NDST4: variants seen among roughly 807,000 people sequenced by gnomAD.
The protein encoded by NDST4 is N-heparan sulfate sulfotransferase 4.
In NDST4, 63 loss-of-function variants were observed where a neutral mutation model predicts 100.8. The observed-to-expected ratio is 0.62, with a 90% CI of 0.51 to 0.77. The LOEUF is 0.77. Ranked by LOEUF, NDST4 falls within the 30% of genes least tolerant of loss-of-function variation. The pLI, the probability that NDST4 is intolerant of heterozygous loss-of-function variation, is 0.00. For missense variants in NDST4, 943 were observed against 1,018.4 expected (o/e 0.93, Z 1.01); for synonymous variants, 377 against 361.8 (o/e 1.04, Z -0.48).
intron 2 of NDST4, among the ~76,000 whole-genome samples, chr4:114,986,830 A>ATATATATATATATATTTATTTATT (rs1553959396): frequency 1.8e-4 from 17 of 91,962 alleles, no homozygotes; most frequent in African/African-American, 6.9e-4. Context: ...ATATATATAT[A>ATATATATATATATATTTATTTATT]TATTTTAATA....
intron 1 of NDST4, among the ~76,000 whole-genome samples, chr4:115,079,776 T>C (rs1245967197): frequency 6.6e-6 from 1 of 152,170 alleles, no homozygotes; most frequent in Non-Finnish European, 1.5e-5. Flanking sequence ...ACTGAAAACT[T>C]TTTAGATTAC....
rs34003720 is a variant in NDST4, at chr4:115,068,815, C to CA, written c.978+7243dup. ...TGGGCATCAGAGCGAGGCTCCATCTCAAAAAAAAAAAAAAAAAGAAAAGAA... is the reference window on the plus strand; with the variant it reads ...TGGGCATCAGAGCGAGGCTCCATCTCAAAAAAAAAAAAAAAAAAGAAAAGAA... On this transcript the variant is annotated intron_variant, in intron 2 of 13. Transcript: ENST00000264363. 8.0e-3 allele frequency among the ~76,000 whole-genome samples: 619 copies of CA among 77,252 alleles called. 4 individuals carry two copies. Among genetic ancestry groups the CA allele is most frequent in the African/African-American group, 0.018 (426 of 24,118 alleles). The allele number at this position is 77,252 out of a possible 152,430, so 50.7% of individuals were successfully genotyped here.
chr4:115,053,871 C>T (rs991455710), intron 2 of NDST4, among the ~76,000 whole-genome samples: 3 of 152,052 alleles, frequency 2.0e-5, no homozygotes, highest in Non-Finnish European at 2.9e-5. Flanking sequence ...ACTACCTCTT[C>T]TTACACTGAG....
intron 6 of NDST4, among the ~76,000 whole-genome samples, chr4:114,884,276 C>T (rs544100303): frequency 6.6e-6 from 1 of 152,174 alleles, no homozygotes; most frequent in Admixed American, 6.6e-5. Flanking sequence ...CACATATCAA[C>T]TCCAAGCTGC....
At chr4:114,966,032 AAG>A (rs1233670179) in intron 4 of NDST4, among the ~76,000 whole-genome samples, 2 of 152,046 alleles carry the variant, frequency 1.3e-5, no homozygotes, top group East Asian at 1.9e-4. Flanking sequence ...TTGAAGGAAA[AAG>A]AACCAAAAAG....
At chr4:115,069,963 AC>A (rs1397449743) in intron 2 of NDST4, among the ~76,000 whole-genome samples, 1 of 152,170 alleles carries the variant, frequency 6.6e-6, no homozygotes, top group African/African-American at 2.4e-5. Flanking sequence ...ATGCTTATAT[AC>A]TATTGGTTGG....
chr4:115,065,901 C>T (rs2126285396), intron 2 of NDST4, among the ~76,000 whole-genome samples: 1 of 152,266 alleles, frequency 6.6e-6, no homozygotes, highest in East Asian at 1.9e-4. Context: ...CTGATATTTT[C>T]AGCCAAGTCT....
intron 1 of NDST4, among the ~76,000 whole-genome samples, chr4:115,099,884 T>C (rs1560600236): frequency 6.6e-6 from 1 of 152,150 alleles, no homozygotes; most frequent in African/African-American, 2.4e-5. Context: ...GCTTTATTTA[T>C]AGATGCCAAG....
intron 7 of NDST4, among the ~76,000 whole-genome samples, chr4:114,857,822 C>T (rs780629290): frequency 6.6e-6 from 1 of 152,120 alleles, no homozygotes; most frequent in Admixed American, 6.5e-5. Context: ...CTTGAAGGAA[C>T]AAGCTAGGAA....
intron 2 of NDST4, among the ~76,000 whole-genome samples, chr4:115,072,627 A>G (rs538038645): frequency 1.3e-5 from 2 of 152,004 alleles, no homozygotes; most frequent in Non-Finnish European, 2.9e-5. Flanking sequence ...GGAAAACTAG[A>G]TATCTATAGG....
At chr4:114,883,211 T>C (rs1724408077) in intron 6 of NDST4, among the ~76,000 whole-genome samples, 1 of 152,026 alleles carries the variant, frequency 6.6e-6, no homozygotes, top group African/African-American at 2.4e-5. Flanking sequence ...TTTTAATTAA[T>C]CTAAAAGATA....
chr4:115,014,180 A>G (rs1028366629), intron 2 of NDST4, among the ~76,000 whole-genome samples: 4 of 152,088 alleles, frequency 2.6e-5, no homozygotes, highest in African/African-American at 9.7e-5. Flanking sequence ...TTTGGCTGGT[A>G]AGGCCAGCAA....
chr4:114,844,808 G>C (rs1723507884), intron 10 of NDST4, among the ~76,000 whole-genome samples: 1 of 152,130 alleles, frequency 6.6e-6, no homozygotes, highest in Admixed American at 6.5e-5. Context: ...TTTGTAGATA[G>C]TGCTGCAATG....
At chr4:114,914,598 G>A (rs888417239) in intron 6 of NDST4, among the ~76,000 whole-genome samples, 6 of 152,180 alleles carry the variant, frequency 3.9e-5, no homozygotes, top group Non-Finnish European at 1.5e-5. Flanking sequence ...TAGGGACTGT[G>A]TGTAGACTAT....
chr4:115,048,475 A>G (rs1481820681), intron 2 of NDST4, among the ~76,000 whole-genome samples: 2 of 152,190 alleles, frequency 1.3e-5, no homozygotes, highest in South Asian at 2.1e-4. Flanking sequence ...ATTCCTTTGG[A>G]AAGTTTGCAG....
chr4:115,096,632 A>G (rs1255607571), intron 1 of NDST4, among the ~76,000 whole-genome samples: 1 of 152,034 alleles, frequency 6.6e-6, no homozygotes, highest in Non-Finnish European at 1.5e-5. Flanking sequence ...ATGCATTATC[A>G]CTTACTCACT....
chr4:114,975,989 A>T (rs925740054), intron 3 of NDST4, among the ~76,000 whole-genome samples: 4 of 152,092 alleles, frequency 2.6e-5, no homozygotes, highest in African/African-American at 9.7e-5. Flanking sequence ...ATATGAAATC[A>T]TTTGATTTAT....
chr4:114,913,312 G>C (rs981740804), intron 6 of NDST4, among the ~76,000 whole-genome samples: 3 of 151,718 alleles, frequency 2.0e-5, no homozygotes, highest in African/African-American at 7.3e-5. Context: ...ATCTACATTT[G>C]GAAGAAAACT....
At chr4:114,977,070 T>A in intron 3 of NDST4, 117 bp downstream of exon 3, 2 of 672,492 alleles carry the variant, frequency 3.0e-6, no homozygotes. Flanking sequence ...ACTCAAATAA[T>A]GTGCCCAAGT....
Sources: gnomAD v4.1 joint callset for allele counts (sites outside exome capture counted in the v4.1 genomes callset) on GRCh38, gnomAD v4.1.1 for gene constraint, MANE v1.5 for transcripts, NCBI Gene and HGNC (gene_info 2026-07-23, HGNC 2026-07-21) for gene names.